Variants in HSPBP1 observed in about 807,000 individuals in gnomAD.
HSPBP1 encodes the protein HSPA (Hsp70) binding protein 1, also known as hsp70-binding protein 1.
A neutral mutation model predicts 41.7 loss-of-function variants in HSPBP1; 31 were observed. The observed-to-expected ratio is 0.74, with a 90% CI of 0.56 to 1.00. HSPBP1 has a LOEUF of 1.00. Ranked by LOEUF, HSPBP1 falls within the 50% of genes least tolerant of loss-of-function variation. HSPBP1 has a pLI of 0.00. For synonymous variants in HSPBP1, 199 were observed against 214.4 expected, an observed-to-expected ratio of 0.93 and a Z score of 0.63; for missense variants, 439 against 487.9, an observed-to-expected ratio of 0.90 and a Z score of 0.94.
intron 1 of HSPBP1, 63 bp from the exon 2 acceptor site, chr19:55,279,765 C>T: frequency 6.6e-7 from 1 of 1,514,800 alleles, no homozygotes; most frequent in Non-Finnish European, 8.8e-7. Flanking sequence ...ACCACTCTGC[C>T]CCCAGCCCAC....
rs567343477 is a variant in HSPBP1, at chr19:55,279,540, A to G, written c.69T>C (p.Ser23=). The change falls in exon 2 of 8, where the codon TCT becomes TCC. Residue 23 remains serine (S), a synonymous_variant. Transcript: ENST00000433386. The stretch of plus-strand genomic sequence containing the variant: ...AGGAGCCGCCGCCGCCGCCCCCTGA[A>G]GAGCAACCCTGGGAGGCCGGGGGCA... The part of the protein sequence containing the change: ...LALPPASQGC[S]SGGGGGGSSA... The G allele has an allele frequency of 2.5e-3, 3,176 of 1,270,252 alleles. 67 individuals carry two copies. In the South Asian group the frequency reaches 0.039, roughly 16 times the overall value. The allele number at this position is 1,270,252 out of a possible 1,614,324, so 78.7% of individuals were successfully genotyped here.
In HSPBP1 at chr19:55,280,094, G is replaced by A. The variant is rs878902703; in HGVS notation, c.-154C>T. Reference sequence around the variant, plus strand: ...GACAAAGTCGTCCGCACCTGACTCTGCTGGGCGCCGCCATCTTAACCGGAA... The same window carrying A: ...GACAAAGTCGTCCGCACCTGACTCTACTGGGCGCCGCCATCTTAACCGGAA... On this transcript the variant is annotated 5_prime_UTR_variant, in exon 1 of 8. Transcript: ENST00000433386. The A allele has an allele frequency of 9.2e-6, 2 of 217,092 alleles. No homozygotes were observed. Among genetic ancestry groups the A allele is most frequent in the South Asian group, 5.2e-5 (1 of 19,316 alleles). 13.4% of individuals were successfully genotyped at this position (217,092 alleles called of 1,614,324 possible).
rs558505806 is a variant in HSPBP1, at chr19:55,271,033, A to ACACCACACACACC, written c.640+3352_640+3364dup. Among the ~76,000 whole-genome samples, 14 of 152,050 alleles carry ACACCACACACACC rather than the reference A, an allele frequency of 9.2e-5. No homozygotes were observed. The East Asian group carries it at 2.7e-3, about 29-fold the overall frequency. ...CCCACTACACACACACATCACACAC[A>ACACCACACACACC]CACCACACACACCCACATTTGTTCT... On this transcript the variant is annotated intron_variant, in intron 4 of 7. Coordinates refer to ENST00000433386, the MANE Select transcript of HSPBP1 (RefSeq NM_012267.5).
intron 6 of HSPBP1, 149 bp downstream of exon 6, chr19:55,265,735 CCT>C: frequency 3.2e-6 from 2 of 616,966 alleles, no homozygotes; most frequent in Non-Finnish European, 5.7e-6. Context: ...ACTGAGGCTC[CCT>C]GACTCCTGCT....
At chr19:55,274,108 G>A (rs1002342110) in intron 4 of HSPBP1, among the ~76,000 whole-genome samples, 5 of 151,988 alleles carry the variant, frequency 3.3e-5, no homozygotes, top group Admixed American at 2.0e-4. Context: ...GTGAACCAGC[G>A]CCAGTGTGAA....
Position 55,279,604 on chromosome 19 carries a change from G to T in HSPBP1, c.5C>A (p.Ser2Ter). Residue 2 changes from serine (S) to a stop codon, truncating the protein, a stop_gained, in exon 2 of 8, where the codon TCA becomes TAA. Coordinates refer to ENST00000433386, the MANE Select transcript of HSPBP1 (RefSeq NM_012267.5). LOFTEE classifies it high-confidence loss of function. The stretch of plus-strand genomic sequence containing the variant: ...GCGGCTCCCCCTTGAGCCTTCGTCT[G>T]ACATGGGCCGTTTGTGAAGAAGGGA... M[S>*]DEGSRGSRLP... The T allele has an allele frequency of 6.3e-7, 1 of 1,585,978 alleles. No homozygotes were observed. The highest frequency in any genetic ancestry group is 1.1e-5 in the South Asian group (1 of 89,122).
chr19:55,279,624 A>C lies in HSPBP1; in HGVS notation c.-16T>G. ...CGTCTGACATGGGCCGTTTGTGAAG[A>C]AGGGAAGAATGTGTTAGAGGGAGAA... is the stretch of plus-strand genomic sequence containing the variant. On this transcript the variant is annotated 5_prime_UTR_variant, in exon 2 of 8. Transcript: ENST00000433386. 5 of 1,569,864 alleles carry C rather than the reference A, an allele frequency of 3.2e-6. No individual in the cohort carries two copies. The highest frequency in any genetic ancestry group is 4.3e-6 in the Non-Finnish European group (5 of 1,157,606).
chr19:55,267,278 G>A (rs561318368), intron 4 of HSPBP1, among the ~76,000 whole-genome samples: 2 of 152,234 alleles, frequency 1.3e-5, no homozygotes, highest in South Asian at 4.1e-4. Flanking sequence ...AGCCCCCCAA[G>A]TAGCTGGGAT....
intron 4 of HSPBP1, among the ~76,000 whole-genome samples, chr19:55,266,566 A>G (rs202022427): frequency 1.2e-4 from 2 of 16,288 alleles, no homozygotes; most frequent in African/African-American, 2.2e-4. Flanking sequence ...CACCATCACT[A>G]TCACCATCAC....
In HSPBP1 at chr19:55,272,816, T is replaced by C. The variant is rs2087959764; in HGVS notation, c.640+1582A>G. Among the ~76,000 whole-genome samples, 1 of 148,132 alleles carries C rather than the reference T, an allele frequency of 6.8e-6. No individual in the cohort carries two copies. Among genetic ancestry groups the C allele is most frequent in the Non-Finnish European group, 1.5e-5 (1 of 67,478 alleles). On this transcript the variant is annotated intron_variant, in intron 4 of 7. Transcript: ENST00000433386. The surrounding 1 kb of genome is among the most constrained non-coding windows in gnomAD (Gnocchi z 4.2). The stretch of plus-strand genomic sequence containing the variant: ...TCGCGCCATTGCGCTCCAGCCTGGG[T>C]GACAAGAGCGAGACTCTGTCTCAAA...
intron 7 of HSPBP1, 80 bp from the exon 8 acceptor site, chr19:55,262,762 G>T (rs2087679489): frequency 1.5e-6 from 2 of 1,357,350 alleles, no homozygotes; most frequent in African/African-American, 2.9e-5. Flanking sequence ...GCACCCAGAG[G>T]TGACTCCTCT....
rs967877981 is a variant in HSPBP1, at chr19:55,268,470, C to T, written c.641-2184G>A. ...AGAAAACCAAAAAAAGAAAAACACACACAACGTTGTTGCTCTGGCGCACTC... is the reference window on the plus strand; with the variant it reads ...AGAAAACCAAAAAAAGAAAAACACATACAACGTTGTTGCTCTGGCGCACTC... On this transcript the variant is annotated intron_variant, in intron 4 of 7. Coordinates refer to ENST00000433386, the MANE Select transcript of HSPBP1 (RefSeq NM_012267.5). This position sits in a 1 kb window ranked among gnomAD's most constrained non-coding sequence, Gnocchi z 4.5. Among the ~76,000 whole-genome samples the T allele has an allele frequency of 4.5e-4, 68 of 152,052 alleles. No homozygotes were observed. Among genetic ancestry groups the T allele is most frequent in the Non-Finnish European group, 1.0e-4 (7 of 67,988 alleles).
chr19:55,279,656 C>A lies in HSPBP1; in HGVS notation c.-48G>T. 6.5e-7 allele frequency: 1 copy of A among 1,549,180 alleles called. No homozygotes were observed. Among genetic ancestry groups the A allele is most frequent in the South Asian group, 1.2e-5 (1 of 84,094 alleles). Reference sequence around the variant, plus strand: ...GAATGTGTTAGAGGGAGAAGGTGGTCACCGCTGAAGCAGCTCTGGCGTCCT... The same window carrying A: ...GAATGTGTTAGAGGGAGAAGGTGGTAACCGCTGAAGCAGCTCTGGCGTCCT... On this transcript the variant is annotated 5_prime_UTR_variant, in exon 2 of 8. Transcript: ENST00000433386.
At position 55,265,395 on chromosome 19, in the gene HSPBP1, A is replaced by G; in HGVS notation, c.894-6T>C. On this transcript the variant is annotated splice_region_variant and splice_polypyrimidine_tract_variant and intron_variant, in intron 6 of 7. Coordinates refer to ENST00000433386, the MANE Select transcript of HSPBP1 (RefSeq NM_012267.5). ...GCGGAAAGTCTGTCACCAGGCTGTG[A>G]GGGACATGACAGCGGCCCTTAGGAC... is the stretch of plus-strand genomic sequence containing the variant. 1.2e-6 allele frequency: 2 copies of G among 1,612,158 alleles called. No homozygotes were observed. Among genetic ancestry groups the G allele is most frequent in the Non-Finnish European group, 8.5e-7 (1 of 1,178,960 alleles).
intron 4 of HSPBP1, among the ~76,000 whole-genome samples, chr19:55,271,013 TACACACACACATC>T (rs1457855888): frequency 2.0e-5 from 3 of 147,366 alleles, no homozygotes; most frequent in Non-Finnish European, 4.5e-5. Flanking sequence ...ACACACCCAC[TACACACACACATC>T]ACACACACAC....
intron 1 of HSPBP1, 125 bp from the exon 2 acceptor site, chr19:55,279,827 G>T: frequency 9.4e-7 from 1 of 1,065,432 alleles, no homozygotes; most frequent in Non-Finnish European, 1.4e-6. Context: ...CTTCCCCAAA[G>T]TCATAAGCCT....
At chr19:55,278,076 G>A (rs561492359) in intron 2 of HSPBP1, among the ~76,000 whole-genome samples, 20 of 152,062 alleles carry the variant, frequency 1.3e-4, no homozygotes, top group African/African-American at 4.1e-4. Flanking sequence ...GTGAAACCCC[G>A]TCTCTACTAA....
At chr19:55,266,466 T>C (rs867355002) in intron 4 of HSPBP1, among the ~76,000 whole-genome samples, 180 bp from the exon 5 acceptor site, 2 of 50,642 alleles carry the variant, frequency 3.9e-5, no homozygotes, top group African/African-American at 7.6e-5. Context: ...ACCATCACCA[T>C]CACCACCATC....
chr19:55,276,279 C>T (rs919975639), intron 3 of HSPBP1, among the ~76,000 whole-genome samples: 6 of 151,906 alleles, frequency 3.9e-5, no homozygotes, highest in Non-Finnish European at 8.8e-5. Context: ...GCCAGGGGAC[C>T]GGGGGAGGGC....
Sources: allele counts gnomAD v4.1 joint callset (sites outside exome capture counted in the v4.1 genomes callset), GRCh38; gene constraint gnomAD v4.1.1; non-coding constraint Gnocchi (gnomAD v3.1); transcripts MANE v1.5; gene names NCBI Gene and HGNC (gene_info 2026-07-23, HGNC 2026-07-21).